The following PIK3C3 variants were observed in gnomAD, a reference collection of about 807,000 sequenced individuals.
The protein encoded by PIK3C3 is phosphatidylinositol 3-kinase catalytic subunit type 3.
In PIK3C3, 95 loss-of-function variants were observed where a neutral mutation model predicts 126.1. The ratio of observed to expected loss-of-function variants is 0.75; its 90% confidence interval spans 0.64 to 0.89. The LOEUF (loss-of-function observed/expected upper bound fraction) is 0.89, where lower values mean the gene tolerates loss of function less well. Among genes scored for constraint, PIK3C3 ranks in the 40% least tolerant of loss-of-function variants. The pLI is 0.00. For synonymous variants in PIK3C3, 374 were observed against 360.0 expected (o/e 1.04, Z -0.44); for missense variants, 829 against 1,063.2 (o/e 0.78, Z 3.06).
Position 42,029,395 on chromosome 18 carries a change from A to G in PIK3C3, c.1661A>G (p.His554Arg). The change falls in exon 15 of 25, where the codon CAT (histidine) becomes CGT (arginine). Residue 554 changes from histidine (H) to arginine (R), a missense_variant. Physicochemically the swap from His to Arg is conservative, Grantham distance 29. This residue lies in a region of PIK3C3 where 256 missense variants were observed against 291.0 expected (regional missense o/e 0.88). Transcript: ENST00000262039. ...AQQTFVDRLV[H>R]LMKAVQRESG... ...CAGACATTTGTAGATCGGTTGGTGC[A>G]TCTAATGAAGGCAGTACAACGCGAA... 6.2e-7 allele frequency: 1 copy of G among 1,613,832 alleles called. No individual in the cohort carries two copies. The highest frequency in any genetic ancestry group is 1.1e-5 in the South Asian group (1 of 91,078).
intron 13 of PIK3C3, among the ~76,000 whole-genome samples, chr18:42,022,652 GT>G (rs1258598574): frequency 1.4e-5 from 2 of 142,552 alleles, no homozygotes; most frequent in Non-Finnish European, 1.6e-5. Flanking sequence ...GGTTGTGTTT[GT>G]TTTTTTCTGT....
intron 22 of PIK3C3, among the ~76,000 whole-genome samples, chr18:42,058,458 C>G (rs1985170670): frequency 6.6e-6 from 1 of 152,168 alleles, no homozygotes; most frequent in African/African-American, 2.4e-5. Flanking sequence ...TTCTCCCTAG[C>G]TGACTTCCTA....
At chr18:42,018,966 G>C (rs1276475368) in intron 12 of PIK3C3, among the ~76,000 whole-genome samples, 1 of 151,986 alleles carries the variant, frequency 6.6e-6, no homozygotes, top group African/African-American at 2.4e-5. Context: ...TTCCCTAGAC[G>C]TGTTGATCTT....
intron 13 of PIK3C3, among the ~76,000 whole-genome samples, chr18:42,022,284 G>A (rs1483456837): frequency 6.6e-6 from 1 of 151,972 alleles, no homozygotes; most frequent in Non-Finnish European, 1.5e-5. Flanking sequence ...TGCTATCCCT[G>A]CCCCCATCCC....
At chr18:42,056,030 G>T (rs1985048263) in intron 21 of PIK3C3, among the ~76,000 whole-genome samples, 2 of 152,080 alleles carry the variant, frequency 1.3e-5, no homozygotes, top group African/African-American at 4.8e-5. Flanking sequence ...TTTCTTGACT[G>T]TTTAAGGTGG....
chr18:42,077,428 G>T (rs1986072839), intron 24 of PIK3C3, among the ~76,000 whole-genome samples: 1 of 152,184 alleles, frequency 6.6e-6, no homozygotes, highest in African/African-American at 2.4e-5. Context: ...ACTTGCTGTT[G>T]CTTTATCAAC....
At chr18:42,036,168 A>T (rs1205313130) in intron 16 of PIK3C3, among the ~76,000 whole-genome samples, 2 of 152,194 alleles carry the variant, frequency 1.3e-5, no homozygotes, top group African/African-American at 4.8e-5. Context: ...TTTTATTCCA[A>T]CTAGAGTTTG....
At chr18:42,043,255 C>G (rs142493449) in intron 19 of PIK3C3, among the ~76,000 whole-genome samples, 1 of 151,766 alleles carries the variant, frequency 6.6e-6, no homozygotes, top group Non-Finnish European at 1.5e-5. Context: ...CCTGCCACCA[C>G]GCTAATTTTT....
intron 15 of PIK3C3, among the ~76,000 whole-genome samples, 177 bp downstream of exon 15, chr18:42,029,618 C>T (rs994495444): frequency 3.6e-4 from 51 of 141,332 alleles, no homozygotes; most frequent in African/African-American, 1.3e-3. Context: ...TCTCGGCTCA[C>T]TGCAACCCCC....
intron 17 of PIK3C3, among the ~76,000 whole-genome samples, chr18:42,038,349 ATTTT>A (rs993643388): frequency 1.4e-5 from 2 of 147,922 alleles, no homozygotes; most frequent in Non-Finnish European, 3.0e-5. Context: ...TAAATTAACT[ATTTT>A]TTTTTTTGAG....
chr18:42,004,636 A>C (rs1249727983), intron 10 of PIK3C3, 95 bp downstream of exon 10: 1 of 960,654 alleles, frequency 1.0e-6, no homozygotes, highest in East Asian at 2.7e-5. Context: ...AGTGAGAGAG[A>C]GAGTGTGTGC....
chr18:42,074,381 A>G (rs1205395374), intron 24 of PIK3C3, among the ~76,000 whole-genome samples: 1 of 152,088 alleles, frequency 6.6e-6, no homozygotes, highest in Non-Finnish European at 1.5e-5. Flanking sequence ...GACTTGTAGT[A>G]TAATTTTGGG....
At chr18:42,001,803 G>T (rs190879264) in intron 9 of PIK3C3, among the ~76,000 whole-genome samples, 28 of 152,200 alleles carry the variant, frequency 1.8e-4, no homozygotes, top group Admixed American at 3.9e-4. Context: ...GTACATACCC[G>T]CACATTTCTA....
At chr18:42,056,656 G>T (rs1985079390) in intron 21 of PIK3C3, among the ~76,000 whole-genome samples, 1 of 152,140 alleles carries the variant, frequency 6.6e-6, no homozygotes, top group Non-Finnish European at 1.5e-5. Flanking sequence ...AAAGATATAT[G>T]AGAACTTCAA....
intron 15 of PIK3C3, among the ~76,000 whole-genome samples, chr18:42,031,678 A>C (rs1983836623): frequency 6.6e-6 from 1 of 152,128 alleles, no homozygotes; most frequent in African/African-American, 2.4e-5. Flanking sequence ...CGGCCTTCCA[A>C]AGTGCTGGGA....
In PIK3C3 at chr18:42,087,715, G is replaced by A. The variant is rs1187219073; in HGVS notation, c.*6578G>A. On this transcript the variant is annotated 3_prime_UTR_variant, in exon 25 of 25. Coordinates refer to ENST00000262039, the MANE Select transcript of PIK3C3 (RefSeq NM_002647.4). ...ATGAAATAATGATGTATCTATAAAT[G>A]AGCCTTTGCAAGATTACCATTTATC... is the stretch of plus-strand genomic sequence containing the variant. 1 of 152,112 alleles carries A rather than the reference G, an allele frequency of 6.6e-6. No homozygotes were observed. The highest frequency in any genetic ancestry group is 1.5e-5 in the Non-Finnish European group (1 of 68,014). The allele number at this position is 152,112 out of a possible 1,614,324, so 9.4% of individuals were successfully genotyped here.
intron 24 of PIK3C3, among the ~76,000 whole-genome samples, chr18:42,076,157 T>C (rs1986007995): frequency 8.5e-6 from 1 of 117,016 alleles, no homozygotes; most frequent in South Asian, 2.9e-4. Context: ...CATATATATA[T>C]ATATGCACAT....
rs915873310 is a variant in PIK3C3 at position 42,029,516 on chromosome 18, T to C, written c.1707+75T>C. ...AAATACTGAATTTTCACTATTGTCT[T>C]TTTGGGTTGATACGTGAATTTTTTT... On this transcript the variant is annotated intron_variant, in intron 15 of 24. Coordinates refer to ENST00000262039, the MANE Select transcript of PIK3C3 (RefSeq NM_002647.4). The C allele has an allele frequency of 3.6e-5, 30 of 826,374 alleles. No homozygotes were observed. In the African/African-American group the frequency reaches 4.9e-4, roughly 14 times the overall value. 51.2% of individuals were successfully genotyped at this position (826,374 alleles called of 1,614,324 possible). A position where few individuals can be genotyped will look rare whatever the true frequency, so the allele number is the denominator to read the frequency against.
chr18:42,008,123 C>T (rs1982638009), intron 10 of PIK3C3, among the ~76,000 whole-genome samples: 2 of 152,086 alleles, frequency 1.3e-5, no homozygotes, highest in African/African-American at 4.8e-5. Context: ...CAGCCATACA[C>T]TTGTAAAATA....
Sources: allele counts gnomAD v4.1 joint callset (sites outside exome capture counted in the v4.1 genomes callset), GRCh38; gene constraint gnomAD v4.1.1; regional missense constraint gnomAD v4.1.1; transcripts MANE v1.5; gene names NCBI Gene and HGNC (gene_info 2026-07-23, HGNC 2026-07-21).